The following UNC13C variants were observed in gnomAD, a reference collection of about 807,000 sequenced individuals.
UNC13C encodes protein unc-13 homolog C.
UNC13C carries 174 observed loss-of-function variants against 245.4 expected under a neutral mutation model. The observed-to-expected ratio is 0.71, with a 90% CI of 0.63 to 0.80. The LOEUF is 0.80. UNC13C is among the 30% of genes least tolerant of loss of function. The pLI, the probability that UNC13C is intolerant of heterozygous loss-of-function variation, is 0.00. For missense variants in UNC13C, 2,829 were observed against 2,602.9 expected, an observed-to-expected ratio of 1.09 and a Z score of -1.89; for synonymous variants, 992 against 895.1, an observed-to-expected ratio of 1.11 and a Z score of -1.93.
chr15:54,329,609 T>C (rs2038388449), intron 14 of UNC13C, among the ~76,000 whole-genome samples: 1 of 152,034 alleles, frequency 6.6e-6, no homozygotes, highest in Non-Finnish European at 1.5e-5. Flanking sequence ...GCAAAGGGAA[T>C]CTCACTCTAG....
At chr15:54,036,672 T>G (rs187510541) in intron 2 of UNC13C, among the ~76,000 whole-genome samples, 3 of 152,358 alleles carry the variant, frequency 2.0e-5, no homozygotes, top group Admixed American at 1.3e-4. Context: ...TTACCTCTCC[T>G]TAGCAGCACT....
intron 30 of UNC13C, among the ~76,000 whole-genome samples, chr15:54,602,638 G>C (rs1356191560): frequency 1.3e-5 from 2 of 152,032 alleles, no homozygotes; most frequent in South Asian, 2.1e-4. Flanking sequence ...ATATAGCACA[G>C]AACAAAGAGC....
chr15:54,174,771 T>C (rs982299728), intron 4 of UNC13C, among the ~76,000 whole-genome samples: 1 of 152,182 alleles, frequency 6.6e-6, no homozygotes, highest in African/African-American at 2.4e-5. Flanking sequence ...ATAATAATCA[T>C]TTCAAAAGCC....
the UNC13C span, among the ~76,000 whole-genome samples, chr15:53,863,196 A>T: frequency 1.3e-5 from 2 of 152,176 alleles, no homozygotes; most frequent in Non-Finnish European, 2.9e-5. Context: ...CCCAAGCAAG[A>T]CCAAAGCCTA....
intron 13 of UNC13C, among the ~76,000 whole-genome samples, chr15:54,303,821 G>A (rs1385043097): frequency 1.3e-5 from 2 of 151,848 alleles, no homozygotes; most frequent in Non-Finnish European, 2.9e-5. Flanking sequence ...AGAAAGGCGG[G>A]GTCAACTCAC....
At chr15:53,898,646 T>C in the UNC13C span, among the ~76,000 whole-genome samples, 3 of 152,200 alleles carry the variant, frequency 2.0e-5, no homozygotes, top group Non-Finnish European at 2.9e-5. Context: ...TTATTCTGGC[T>C]TTATTGAGGT....
chr15:53,885,972 A>C, the UNC13C span, among the ~76,000 whole-genome samples: 2 of 152,142 alleles, frequency 1.3e-5, no homozygotes, highest in Non-Finnish European at 2.9e-5. Context: ...TATGTGAATG[A>C]ATGGTGGATG....
At chr15:54,446,010 T>C (rs1297969198) in intron 19 of UNC13C, among the ~76,000 whole-genome samples, 2 of 152,218 alleles carry the variant, frequency 1.3e-5, no homozygotes, top group Non-Finnish European at 2.9e-5. Context: ...TTTCTACCTA[T>C]GGCTAGCCAG....
At chr15:54,004,043 CAAAA>C (rs546401137) in intron 1 of UNC13C, among the ~76,000 whole-genome samples, 16 of 151,928 alleles carry the variant, frequency 1.1e-4, no homozygotes, top group Admixed American at 3.3e-4. Flanking sequence ...AACAAACAAA[CAAAA>C]AAACCAAACT....
chr15:54,441,584 G>T (rs11071073), intron 19 of UNC13C, among the ~76,000 whole-genome samples: 59,454 of 151,768 alleles, frequency 0.39, 11,930 homozygotes, highest in East Asian at 0.62. Context: ...ATGCTATTTT[G>T]TTGACTATAG....
At chr15:54,204,898 G>A (rs1325318293) in intron 4 of UNC13C, among the ~76,000 whole-genome samples, 3 of 151,994 alleles carry the variant, frequency 2.0e-5, no homozygotes, top group Non-Finnish European at 4.4e-5. Flanking sequence ...CCATGCATAT[G>A]TGACCTACAT....
the UNC13C span, among the ~76,000 whole-genome samples, chr15:53,842,343 C>A: frequency 2.0e-5 from 3 of 152,142 alleles, no homozygotes; most frequent in African/African-American, 7.2e-5. Context: ...ATTGTAGATA[C>A]ATTTTCTGGC....
intron 2 of UNC13C, among the ~76,000 whole-genome samples, chr15:54,038,379 C>A (rs2141029241): frequency 6.6e-6 from 1 of 151,678 alleles, no homozygotes; most frequent in East Asian, 2.0e-4. Context: ...GTGATCCGCC[C>A]ACCTCTGCCT....
In UNC13C at chr15:54,428,298, A is replaced by G. The variant is rs868610658; in HGVS notation, c.4933+13231A>G. Among the ~76,000 whole-genome samples the G allele has an allele frequency of 2.8e-4, 42 of 151,756 alleles. 2 individuals are homozygous for G. The Middle Eastern group carries it at 0.017, about 61-fold the overall frequency. On this transcript the variant is annotated intron_variant, in intron 19 of 32. Transcript: ENST00000260323. ...TTTACCCTGAACTGGAAGGCCCCGC[A>G]TTGTTGCTGGAGGCCCTGTCTCTGA...
At chr15:54,361,271 G>A (rs1403597278) in intron 17 of UNC13C, among the ~76,000 whole-genome samples, 1 of 151,920 alleles carries the variant, frequency 6.6e-6, no homozygotes, top group African/African-American at 2.4e-5. Flanking sequence ...TTTCAGGTCA[G>A]TTATTGTATT....
intron 2 of UNC13C, among the ~76,000 whole-genome samples, chr15:54,127,635 C>G (rs541705035): frequency 1.2e-4 from 18 of 150,878 alleles, no homozygotes; most frequent in Non-Finnish European, 2.7e-4. Context: ...CAGCAAACCA[C>G]CATGACACAT....
chr15:53,873,145 T>TC, the UNC13C span, among the ~76,000 whole-genome samples: 62,859 of 151,670 alleles, frequency 0.41, 13,211 homozygotes, highest in East Asian at 0.53. Context: ...ACGTTTTTTT[T>TC]TTTAGTGGCT....
At chr15:54,326,845 A>G (rs1293203468) in intron 14 of UNC13C, among the ~76,000 whole-genome samples, 5 of 152,032 alleles carry the variant, frequency 3.3e-5, no homozygotes, top group South Asian at 4.1e-4. Context: ...TGCTCATGAG[A>G]ACTGATCAGT....
chr15:54,306,916 A>G (rs1218673848), intron 13 of UNC13C, among the ~76,000 whole-genome samples: 1 of 151,990 alleles, frequency 6.6e-6, no homozygotes, highest in African/African-American at 2.4e-5. Flanking sequence ...TTTATCCAGG[A>G]GTCTATCTGT....
Sources: gnomAD v4.1 joint callset for allele counts (sites outside exome capture counted in the v4.1 genomes callset) on GRCh38, gnomAD v4.1.1 for gene constraint, MANE v1.5 for transcripts, NCBI Gene and HGNC (gene_info 2026-07-23, HGNC 2026-07-21) for gene names.